The following RIN2 variants were observed in gnomAD, a reference collection of about 807,000 sequenced individuals.
RIN2 encodes RAB5 interacting protein 2.
RIN2 carries 36 observed loss-of-function variants against 78.0 expected under a neutral mutation model. That is an observed-to-expected ratio of 0.46 (90% CI 0.35 to 0.61). The LOEUF (loss-of-function observed/expected upper bound fraction) is 0.61. RIN2 is among the 20% of genes least tolerant of loss of function. The pLI is 0.00. For missense variants in RIN2, 1,087 were observed against 1,159.7 expected, an observed-to-expected ratio of 0.94 and a Z score of 0.91; for synonymous variants, 466 against 466.8, an observed-to-expected ratio of 1.00 and a Z score of 0.02.
intron 2 of RIN2, among the ~76,000 whole-genome samples, chr20:19,836,189 A>C (rs2123042930): frequency 6.6e-6 from 1 of 152,320 alleles, no homozygotes; most frequent in South Asian, 2.1e-4. Context: ...TCGACTGCAG[A>C]CCACTAGGCA....
At chr20:19,957,680 C>CA (rs556316406) in intron 5 of RIN2, among the ~76,000 whole-genome samples, 25 of 146,964 alleles carry the variant, frequency 1.7e-4, no homozygotes, top group Non-Finnish European at 2.0e-4. Flanking sequence ...CTGTCCCCCC[C>CA]AAAAAAAAAA....
intron 2 of RIN2, among the ~76,000 whole-genome samples, chr20:19,825,153 C>T (rs1306437952): frequency 6.6e-6 from 1 of 152,252 alleles, no homozygotes; most frequent in Non-Finnish European, 1.5e-5. Context: ...TTTCTCCTTT[C>T]CTACCTGCCT....
chr20:19,987,513 T>G (rs2042657900), intron 9 of RIN2, among the ~76,000 whole-genome samples: 1 of 152,250 alleles, frequency 6.6e-6, no homozygotes, highest in African/African-American at 2.4e-5. Context: ...CCATTAGTCA[T>G]CTCTGAGCCT....
chr20:19,907,842 C>T (rs1057307016), intron 3 of RIN2, among the ~76,000 whole-genome samples: 2 of 152,184 alleles, frequency 1.3e-5, no homozygotes, highest in Non-Finnish European at 2.9e-5. Flanking sequence ...CCTGTTGCAC[C>T]ATTACCAGCT....
At chr20:19,761,058 G>C (rs1300919726) in intron 1 of RIN2, among the ~76,000 whole-genome samples, 1 of 152,208 alleles carries the variant, frequency 6.6e-6, no homozygotes, top group African/African-American at 2.4e-5. Flanking sequence ...ATTTTGAGAA[G>C]TTGCACAGCA....
chr20:19,766,262 G>A (rs899546887), intron 1 of RIN2, among the ~76,000 whole-genome samples: 1 of 152,106 alleles, frequency 6.6e-6, no homozygotes, highest in African/African-American at 2.4e-5. Flanking sequence ...TGCAGCTAAT[G>A]TCTTTCCCTA....
At chr20:19,914,291 A>T (rs1266473972) in intron 3 of RIN2, among the ~76,000 whole-genome samples, 1 of 152,142 alleles carries the variant, frequency 6.6e-6, no homozygotes, top group Non-Finnish European at 1.5e-5. Flanking sequence ...TTTGGTGTCT[A>T]GTTAGGCTAT....
chr20:19,855,330 G>A (rs1016908913), intron 2 of RIN2, among the ~76,000 whole-genome samples: 2 of 152,130 alleles, frequency 1.3e-5, no homozygotes, highest in African/African-American at 4.8e-5. Flanking sequence ...AGGGATATTT[G>A]TCTAAAATTC....
chr20:19,999,635 T>C (rs2043079866), intron 12 of RIN2, among the ~76,000 whole-genome samples: 1 of 152,224 alleles, frequency 6.6e-6, no homozygotes, highest in African/African-American at 2.4e-5. Flanking sequence ...CAAAGTTATC[T>C]GGGGTCACAA....
At chr20:19,845,756 C>T (rs1310286314) in intron 2 of RIN2, among the ~76,000 whole-genome samples, 2 of 152,006 alleles carry the variant, frequency 1.3e-5, no homozygotes, top group Non-Finnish European at 2.9e-5. Context: ...TCTATTTTGG[C>T]TTTTGTTGCC....
chr20:19,877,643 A>G (rs1304330546), intron 2 of RIN2, among the ~76,000 whole-genome samples: 2 of 152,164 alleles, frequency 1.3e-5, no homozygotes, highest in African/African-American at 2.4e-5. Flanking sequence ...TGCAAGTGCC[A>G]CAAGGATGTA....
Position 19,873,129 on chromosome 20 carries a change from T to TA in RIN2, c.-36-16437_-36-16436insA, listed in dbSNP as rs928750300. On this transcript the variant is annotated intron_variant, in intron 2 of 12. Transcript: ENST00000255006. The stretch of plus-strand genomic sequence containing the variant: ...TTTATTTTATTATTTTTATTTTTAT[T>TA]TTATTTTATTTTTGAGACAGAGTCT... Among the ~76,000 whole-genome samples, 380 of 151,882 alleles carry TA rather than the reference T, an allele frequency of 2.5e-3. 6 individuals are homozygous for TA. Among genetic ancestry groups the TA allele is most frequent in the African/African-American group, 8.9e-3 (369 of 41,418 alleles).
chr20:19,864,138 C>T (rs565849265), intron 2 of RIN2, among the ~76,000 whole-genome samples: 2 of 151,878 alleles, frequency 1.3e-5, no homozygotes, highest in Admixed American at 1.3e-4. Flanking sequence ...AAAAAAGGGT[C>T]TGAAAAGGCT....
chr20:19,840,949 G>C (rs1053375777), intron 2 of RIN2, among the ~76,000 whole-genome samples: 1 of 152,116 alleles, frequency 6.6e-6, no homozygotes, highest in Non-Finnish European at 1.5e-5. Context: ...TCTCCAGTGT[G>C]GACTTTTGTC....
At chr20:19,768,754 C>A (rs1278093694) in intron 1 of RIN2, among the ~76,000 whole-genome samples, 1 of 152,122 alleles carries the variant, frequency 6.6e-6, no homozygotes, top group African/African-American at 2.4e-5. Context: ...ACTGGCCCCT[C>A]AGAGGTTATG....
At chr20:19,999,350 A>G (rs2043071523) in intron 12 of RIN2, among the ~76,000 whole-genome samples, 1 of 152,144 alleles carries the variant, frequency 6.6e-6, no homozygotes, top group South Asian at 2.1e-4. Flanking sequence ...CTGCAAAGTC[A>G]CTGGGCTAGC....
In RIN2 at chr20:19,960,701, T is replaced by A. The variant is rs2041714466; in HGVS notation, c.353T>A (p.Ile118Asn). ...TTGTATTTCTTTTCCCTCCACTAGA[T>A]CTTCCTGGTTCATAAATCTACCAAG... is the stretch of plus-strand genomic sequence containing the variant. ...AEVLQAQPPGIFLVHKSTKMQ... is the reference protein window; with the variant it reads ...AEVLQAQPPGNFLVHKSTKMQ... The change falls in exon 6 of 13, where the codon ATC (isoleucine) becomes AAC (asparagine). Residue 118 changes from isoleucine (I) to asparagine (N), a missense_variant and splice_region_variant. Ile to Asn is a moderately radical substitution (Grantham distance 149). Around this residue, in one of 8 missense-constraint regions of RIN2, gnomAD observed 706 missense variants for 667.5 expected, o/e 1.06. Coordinates refer to ENST00000255006, the MANE Select transcript of RIN2 (RefSeq NM_018993.4). The A allele has an allele frequency of 1.3e-6, 2 of 1,586,028 alleles. No homozygotes were observed. Among genetic ancestry groups the A allele is most frequent in the Middle Eastern group, 1.7e-4 (1 of 6,028 alleles).
At chr20:19,891,081 T>C (rs6046425) in intron 3 of RIN2, among the ~76,000 whole-genome samples, 101,005 of 152,142 alleles carry the variant, frequency 0.66, 34,456 homozygotes, top group African/African-American at 0.83. Context: ...TGGTTTACAG[T>C]CTTAATTTTC....
intron 6 of RIN2, among the ~76,000 whole-genome samples, chr20:19,962,097 T>G: frequency 6.6e-6 from 1 of 151,330 alleles, no homozygotes; most frequent in Non-Finnish European, 1.5e-5. Flanking sequence ...GCTCAGGAAT[T>G]TGAGACCAGC....
Sources: gnomAD v4.1 joint callset for allele counts (sites outside exome capture counted in the v4.1 genomes callset) on GRCh38, gnomAD v4.1.1 for gene constraint, gnomAD v4.1.1 regional missense constraint, MANE v1.5 for transcripts, NCBI Gene and HGNC (gene_info 2026-07-23, HGNC 2026-07-21) for gene names.